The following PACRG variants were observed in gnomAD, a reference collection of about 807,000 sequenced individuals.
The protein encoded by PACRG is parkin coregulated gene protein.
PACRG carries 29 observed loss-of-function variants against 29.7 expected under a neutral mutation model. The observed-to-expected ratio is 0.98, with a 90% CI of 0.73 to 1.33. The LOEUF is 1.33. Among genes scored for constraint, PACRG ranks in the 40% most tolerant of loss-of-function variants. The pLI, the probability that PACRG is intolerant of heterozygous loss-of-function variation, is 0.00. For missense variants in PACRG, 279 were observed against 316.2 expected (o/e 0.88, Z 0.89); for synonymous variants, 116 against 118.7 (o/e 0.98, Z 0.15).
intron 4 of PACRG, among the ~76,000 whole-genome samples, chr6:163,290,001 C>T (rs1784532799): frequency 1.3e-5 from 2 of 152,122 alleles, no homozygotes; most frequent in African/African-American, 4.8e-5. Context: ...GCATGCACCA[C>T]CACACTTGGC....
At chr6:163,281,905 A>C (rs1055251579) in intron 4 of PACRG, among the ~76,000 whole-genome samples, 1 of 152,226 alleles carries the variant, frequency 6.6e-6, no homozygotes, top group African/African-American at 2.4e-5. Flanking sequence ...ATTAAAACAA[A>C]ATCTCTTAAA....
intron 1 of PACRG, among the ~76,000 whole-genome samples, chr6:162,782,493 C>T (rs1433455850): frequency 6.6e-6 from 1 of 151,814 alleles, no homozygotes; most frequent in African/African-American, 2.4e-5. Flanking sequence ...AATTAGTCAG[C>T]TATTAGTTTA....
intron 2 of PACRG, among the ~76,000 whole-genome samples, chr6:163,033,904 T>G (rs1174826590): frequency 1.3e-5 from 2 of 152,206 alleles, no homozygotes; most frequent in Non-Finnish European, 2.9e-5. Flanking sequence ...TAAGCCCATG[T>G]TCTATCCCTA....
intron 2 of PACRG, among the ~76,000 whole-genome samples, chr6:163,028,105 G>C (rs1807315810): frequency 6.6e-6 from 1 of 152,198 alleles, no homozygotes; most frequent in Non-Finnish European, 1.5e-5. Context: ...GCCGGCAGAG[G>C]TGGTTCATTT....
At chr6:162,728,454 G>A (rs1328666848) in intron 1 of PACRG, 63 bp downstream of exon 1, 3 of 1,578,100 alleles carry the variant, frequency 1.9e-6, no homozygotes, top group Admixed American at 1.7e-5. Context: ...ATTTACAGAG[G>A]TTGGCCAGCC....
At chr6:163,104,899 T>C (rs749970293) in intron 4 of PACRG, among the ~76,000 whole-genome samples, 9 of 152,214 alleles carry the variant, frequency 5.9e-5, no homozygotes, top group Non-Finnish European at 1.3e-4. Flanking sequence ...TTGTATATTA[T>C]ACAGAGAAGA....
At chr6:162,986,250 C>T (rs1335523245) in intron 2 of PACRG, among the ~76,000 whole-genome samples, 1 of 152,034 alleles carries the variant, frequency 6.6e-6, no homozygotes, top group Non-Finnish European at 1.5e-5. Context: ...TCCCACATAG[C>T]CAAAGCAGGA....
At chr6:162,831,541 A>G (rs1178714834) in intron 2 of PACRG, among the ~76,000 whole-genome samples, 5 of 152,150 alleles carry the variant, frequency 3.3e-5, no homozygotes, top group Admixed American at 1.3e-4. Context: ...CAGGATGTGC[A>G]GATTTGTTAC....
At chr6:162,727,737 C>G (rs1402717955), upstream of PACRG, 2 of 1,500,024 alleles carry the variant, frequency 1.3e-6, no homozygotes, top group South Asian at 2.4e-5. Flanking sequence ...AGCCGCGCCT[C>G]CCACCAGCGG....
rs1481943988 is a variant in PACRG, at chr6:162,913,657, T to C, written c.291+99376T>C. On this transcript the variant is annotated intron_variant, in intron 2 of 4. Transcript: ENST00000366888. ...GTCAAGTAAATTTCCAAGCCTGTTA[T>C]ATCACTTTATATTTCCACTAGCAGC... Among the ~76,000 whole-genome samples, 3 of 152,306 alleles carry C rather than the reference T, an allele frequency of 2.0e-5. No individual in the cohort carries two copies. In the South Asian group the frequency reaches 6.2e-4, roughly 32 times the overall value.
chr6:163,005,467 G>T (rs112428951), intron 2 of PACRG, among the ~76,000 whole-genome samples: 105 of 151,556 alleles, frequency 6.9e-4, no homozygotes, highest in African/African-American at 2.4e-3. Context: ...TATTACTTTA[G>T]TAGTGGCCCA....
At chr6:162,950,998 G>A (rs1799606564) in intron 2 of PACRG, among the ~76,000 whole-genome samples, 1 of 152,202 alleles carries the variant, frequency 6.6e-6, no homozygotes, top group South Asian at 2.1e-4. Flanking sequence ...CTCTGAATAT[G>A]AGATGAAGGA....
chr6:162,752,938 GTATT>G (rs1157894220), intron 1 of PACRG, among the ~76,000 whole-genome samples: 1 of 151,896 alleles, frequency 6.6e-6, no homozygotes, highest in Non-Finnish European at 1.5e-5. Context: ...ATGTATTTAT[GTATT>G]TATTTATTTT....
intron 3 of PACRG, among the ~76,000 whole-genome samples, chr6:163,084,848 G>A (rs1351143418): frequency 3.7e-5 from 3 of 80,730 alleles, no homozygotes; most frequent in African/African-American, 1.6e-4. Context: ...ATACATATGT[G>A]TGCATATATA....
intron 4 of PACRG, among the ~76,000 whole-genome samples, chr6:163,135,257 C>T (rs1302696259): frequency 1.3e-5 from 2 of 151,548 alleles, no homozygotes; most frequent in Middle Eastern, 3.4e-3. Context: ...GGCACAATCT[C>T]GGCTCACTGC....
chr6:162,925,929 C>G (rs939917017), intron 2 of PACRG, among the ~76,000 whole-genome samples: 2 of 151,966 alleles, frequency 1.3e-5, no homozygotes, highest in African/African-American at 4.8e-5. Context: ...CCCAAAAGTG[C>G]TAAGCTGATA....
At chr6:163,124,407 A>G (rs898380888) in intron 4 of PACRG, among the ~76,000 whole-genome samples, 8 of 152,208 alleles carry the variant, frequency 5.3e-5, no homozygotes, top group African/African-American at 1.9e-4. Context: ...AAAATAATCA[A>G]TTACCTAAGA....
chr6:162,958,830 T>G (rs1384729783), intron 2 of PACRG, among the ~76,000 whole-genome samples: 1 of 142,080 alleles, frequency 7.0e-6, no homozygotes, highest in Admixed American at 7.4e-5. Flanking sequence ...ATAGAGTGTA[T>G]ATATAGAGCA....
chr6:162,950,226 G>A (rs966619374), intron 2 of PACRG, among the ~76,000 whole-genome samples: 12 of 152,120 alleles, frequency 7.9e-5, no homozygotes, highest in South Asian at 2.1e-4. Flanking sequence ...GGCTGGGCAC[G>A]GTGGCTCACG....
Sources: allele counts gnomAD v4.1 joint callset (sites outside exome capture counted in the v4.1 genomes callset), GRCh38; gene constraint gnomAD v4.1.1; transcripts MANE v1.5; gene names NCBI Gene and HGNC (gene_info 2026-07-23, HGNC 2026-07-21).